The following EHD4 variants were observed in gnomAD, a reference collection of about 807,000 sequenced individuals.
EHD4 encodes EH domain-containing protein 4.
A neutral mutation model predicts 51.0 loss-of-function variants in EHD4; 37 were observed. The ratio of observed to expected loss-of-function variants is 0.73; its 90% CI spans 0.56 to 0.95. EHD4 has a LOEUF of 0.95. EHD4 is among the 40% of genes least tolerant of loss of function. The probability of loss-of-function intolerance (pLI) is 0.00; values close to 1 mark genes in which losing one functional copy is unlikely to be tolerated. For synonymous variants in EHD4, 297 were observed against 317.3 expected (o/e 0.94, Z 0.68); for missense variants, 632 against 733.1 (o/e 0.86, Z 1.59).
At chr15:41,955,307 C>T (rs114481558) in intron 1 of EHD4, among the ~76,000 whole-genome samples, 2,561 of 152,064 alleles carry the variant, frequency 0.017, 89 homozygotes, top group African/African-American at 0.059. Flanking sequence ...GGTCACACAG[C>T]GGATGTTCGA....
chr15:41,947,344 A>T (rs2067821890), intron 2 of EHD4, among the ~76,000 whole-genome samples: 1 of 152,058 alleles, frequency 6.6e-6, no homozygotes, highest in African/African-American at 2.4e-5. Flanking sequence ...GAGGTAGGAG[A>T]TTTAGGCTCC....
At chr15:41,972,075 G>T (rs1033563600) in intron 1 of EHD4, among the ~76,000 whole-genome samples, 184 bp downstream of exon 1, 1 of 151,910 alleles carries the variant, frequency 6.6e-6, no homozygotes, top group Non-Finnish European at 1.5e-5. Context: ...GCGGGTTCGC[G>T]GGACCCTCCA....
At chr15:41,968,284 G>A (rs1463324224) in intron 1 of EHD4, among the ~76,000 whole-genome samples, 1 of 151,942 alleles carries the variant, frequency 6.6e-6, no homozygotes, top group Non-Finnish European at 1.5e-5. Flanking sequence ...AATATCTAAA[G>A]TTTTTAAACA....
At chr15:41,933,655 C>T (rs1052662343) in intron 3 of EHD4, among the ~76,000 whole-genome samples, 2 of 152,064 alleles carry the variant, frequency 1.3e-5, no homozygotes, top group African/African-American at 4.8e-5. Flanking sequence ...CACTGGTGCA[C>T]AGTGATTAGG....
At chr15:41,925,669 A>G (rs2067656001) in intron 3 of EHD4, among the ~76,000 whole-genome samples, 1 of 152,224 alleles carries the variant, frequency 6.6e-6, no homozygotes, top group Non-Finnish European at 1.5e-5. Context: ...CAGTTGTTTC[A>G]AAATATAGTT....
At chr15:41,954,677 A>C (rs1045792772) in intron 1 of EHD4, among the ~76,000 whole-genome samples, 14 of 152,188 alleles carry the variant, frequency 9.2e-5, no homozygotes, top group Admixed American at 7.2e-4. Context: ...TCTGTTGCCC[A>C]GGCTGGCTGG....
At position 41,906,936 on chromosome 15, in the gene EHD4, T is replaced by C. The variant is rs114870210; in HGVS notation, c.1089+2763A>G. Reference sequence around the variant, plus strand: ...TTCTCAGCAAAGGCTTGGCCCTCCTTGTACCCTCCATCTCAGTGGGCCATG... The same window carrying C: ...TTCTCAGCAAAGGCTTGGCCCTCCTCGTACCCTCCATCTCAGTGGGCCATG... On this transcript the variant is annotated intron_variant, in intron 5 of 5. Transcript: ENST00000220325. 4.2e-3 allele frequency among the ~76,000 whole-genome samples: 647 copies of C among 152,332 alleles called. 5 individuals are homozygous for C. Among genetic ancestry groups the C allele is most frequent in the African/African-American group, 0.015 (617 of 41,584 alleles).
Position 41,901,189 on chromosome 15 carries a change from A to G in EHD4, c.1090-8T>C, listed in dbSNP as rs745724721. The stretch of plus-strand genomic sequence containing the variant: ...ATAGTTCTCAAGCTGTTCCTGCAGA[A>G]GGACAAACCACAGGATGGGTTACAT... On this transcript the variant is annotated splice_polypyrimidine_tract_variant and splice_region_variant and intron_variant, in intron 5 of 5. Coordinates refer to ENST00000220325, the MANE Select transcript of EHD4 (RefSeq NM_139265.4). 4 of 1,535,574 alleles carry G rather than the reference A, an allele frequency of 2.6e-6. No individual in the cohort carries two copies. In the Admixed American group the frequency reaches 8.1e-5, roughly 31 times the overall value.
Position 41,900,385 on chromosome 15 carries a change from CTT to C in EHD4, c.*258_*259del, listed in dbSNP as rs2067467475. The C allele has an allele frequency of 1.9e-6, 1 of 520,248 alleles. No individual in the cohort carries two copies. Among genetic ancestry groups the C allele is most frequent in the Admixed American group, 3.5e-5 (1 of 28,894 alleles). The allele number at this position is 520,248 out of a possible 1,614,324, so 32.2% of individuals were successfully genotyped here. On this transcript the variant is annotated 3_prime_UTR_variant, in exon 6 of 6. Transcript: ENST00000220325. The surrounding 1 kb of genome is among the most constrained non-coding windows in gnomAD (Gnocchi z 4.8). ...TTTCTCCAGGCAGGTTCTGAGGACT[CTT>C]TGGACAATTTCTCTTTCTTCTCAAC...
At chr15:41,923,026 C>T (rs1298079391) in intron 3 of EHD4, among the ~76,000 whole-genome samples, 1 of 152,150 alleles carries the variant, frequency 6.6e-6, no homozygotes, top group East Asian at 1.9e-4. Flanking sequence ...CCTCCCCCTA[C>T]AAAGTTAGGA....
At chr15:41,955,001 C>G (rs571915322) in intron 1 of EHD4, among the ~76,000 whole-genome samples, 2 of 152,296 alleles carry the variant, frequency 1.3e-5, no homozygotes, top group African/African-American at 4.8e-5. Flanking sequence ...TGCTAGTTTT[C>G]ACTTCATCCA....
At chr15:41,918,663 G>T (rs1027775400) in intron 4 of EHD4, among the ~76,000 whole-genome samples, 12 of 152,166 alleles carry the variant, frequency 7.9e-5, no homozygotes, top group Non-Finnish European at 1.5e-4. Flanking sequence ...CCAGAATGAG[G>T]ATGCGGGGGT....
chr15:41,916,448 T>G (rs1021460309), intron 4 of EHD4, among the ~76,000 whole-genome samples: 1 of 152,182 alleles, frequency 6.6e-6, no homozygotes, highest in African/African-American at 2.4e-5. Flanking sequence ...AACTGTGTAG[T>G]TGTCAACAGG....
chr15:41,906,212 T>C (rs1278952650), intron 5 of EHD4, among the ~76,000 whole-genome samples: 3 of 152,240 alleles, frequency 2.0e-5, no homozygotes, highest in Admixed American at 6.5e-5. Context: ...CTATTTTACA[T>C]ATACCTACCC....
At chr15:41,934,033 C>A (rs1414422947) in intron 3 of EHD4, among the ~76,000 whole-genome samples, 1 of 152,150 alleles carries the variant, frequency 6.6e-6, no homozygotes. Context: ...ACCCCATCGT[C>A]TCTCTCACTC....
At chr15:41,922,287 G>A (rs999596933) in intron 3 of EHD4, among the ~76,000 whole-genome samples, 11 of 152,286 alleles carry the variant, frequency 7.2e-5, no homozygotes, top group African/African-American at 2.6e-4. Context: ...TACTTGGGAG[G>A]CTGAGGCAGG....
At chr15:41,953,672 C>A in intron 2 of EHD4, 92 bp downstream of exon 2, 1 of 1,349,472 alleles carries the variant, frequency 7.4e-7, no homozygotes, top group African/African-American at 1.5e-5. Context: ...ATTCTTTGTT[C>A]TTCTGTTTTT....
chr15:41,940,569 C>T (rs557474271), intron 3 of EHD4, among the ~76,000 whole-genome samples: 10 of 152,324 alleles, frequency 6.6e-5, no homozygotes, highest in African/African-American at 2.4e-4. Context: ...GTCGTGCTGT[C>T]ATCGCTTGTG....
intron 5 of EHD4, among the ~76,000 whole-genome samples, chr15:41,901,873 T>C (rs1375865742): frequency 1.3e-5 from 2 of 152,084 alleles, no homozygotes; most frequent in Non-Finnish European, 2.9e-5. Context: ...CCCAGGAAGG[T>C]ATCGAGGCAG....
Sources: gnomAD v4.1 joint callset for allele counts (sites outside exome capture counted in the v4.1 genomes callset) on GRCh38, gnomAD v4.1.1 for gene constraint, Gnocchi (gnomAD v3.1) non-coding constraint, MANE v1.5 for transcripts, NCBI Gene and HGNC (gene_info 2026-07-23, HGNC 2026-07-21) for gene names.